RALGPS2: variants seen among roughly 807,000 people sequenced by gnomAD.
The protein encoded by RALGPS2 is Ral GEF with PH domain and SH3 binding motif 2, also known as ras-specific guanine nucleotide-releasing factor RalGPS2.
In RALGPS2, 43 loss-of-function variants were observed where a neutral mutation model predicts 86.8. The ratio of observed to expected loss-of-function variants is 0.50; its 90% CI spans 0.39 to 0.64. RALGPS2 has a LOEUF of 0.64. Ranked by LOEUF, RALGPS2 falls within the 30% of genes least tolerant of loss-of-function variation. The probability of loss-of-function intolerance (pLI) is 0.00; values close to 1 mark genes in which losing one functional copy is unlikely to be tolerated. For synonymous variants in RALGPS2, 243 were observed against 231.3 expected (o/e 1.05, Z -0.46); for missense variants, 536 against 694.6 (o/e 0.77, Z 2.57).
At chr1:178,881,892 A>G (rs1463046636) in intron 10 of RALGPS2, among the ~76,000 whole-genome samples, 2 of 152,298 alleles carry the variant, frequency 1.3e-5, no homozygotes, top group Non-Finnish European at 1.5e-5. Context: ...GCCTTTTATG[A>G]TGAAAAATTT....
intron 1 of RALGPS2, among the ~76,000 whole-genome samples, chr1:178,730,706 GTT>G (rs540414287): frequency 6.1e-5 from 8 of 131,318 alleles, no homozygotes; most frequent in African/African-American, 8.3e-5. Context: ...TTTTTTTTTT[GTT>G]TTTTTTTTTG....
intron 1 of RALGPS2, among the ~76,000 whole-genome samples, chr1:178,749,503 A>G (rs1021841260): frequency 2.0e-5 from 3 of 152,232 alleles, no homozygotes; most frequent in Admixed American, 1.3e-4. Flanking sequence ...TTTAAAAGAC[A>G]ACCTTGAGGA....
At chr1:178,744,711 G>A (rs561714274) in intron 1 of RALGPS2, among the ~76,000 whole-genome samples, 124 of 151,862 alleles carry the variant, frequency 8.2e-4, no homozygotes, top group Admixed American at 2.6e-3. Context: ...CAGCTACTCA[G>A]GAGGCTGAGG....
At chr1:178,764,977 A>G (rs1276634208) in intron 1 of RALGPS2, among the ~76,000 whole-genome samples, 1 of 152,126 alleles carries the variant, frequency 6.6e-6, no homozygotes, top group Non-Finnish European at 1.5e-5. Flanking sequence ...TAAAACAACC[A>G]GATCCCCACT....
intron 8 of RALGPS2, chr1:178,865,093 C>T: frequency 6.4e-7 from 1 of 1,562,058 alleles, no homozygotes; most frequent in Non-Finnish European, 8.7e-7. Context: ...CAGGAGTATA[C>T]TGTTGGCTGT....
intron 5 of RALGPS2, among the ~76,000 whole-genome samples, chr1:178,808,919 T>C (rs1654857311): frequency 6.6e-6 from 1 of 152,132 alleles, no homozygotes; most frequent in South Asian, 2.1e-4. Context: ...CAAGCTGGAG[T>C]ACAGTGCTGC....
chr1:178,785,686 A>T lies in RALGPS2; in HGVS notation c.213+79A>T, dbSNP rs1206561164. 8 of 1,470,518 alleles carry T rather than the reference A, an allele frequency of 5.4e-6. No individual in the cohort carries two copies. In the East Asian group the frequency reaches 9.7e-5, roughly 18 times the overall value. The allele number at this position is 1,470,518 out of a possible 1,614,324, so 91.1% of individuals were successfully genotyped here. The stretch of plus-strand genomic sequence containing the variant: ...TTAAGTGTTTTAGAAATGTCAAATT[A>T]TACTTCATATTAATTTTAAAATGTT... On this transcript the variant is annotated intron_variant, in intron 4 of 19. Coordinates refer to ENST00000367635, the MANE Select transcript of RALGPS2 (RefSeq NM_152663.5).
chr1:178,836,395 C>T (rs1656275434), intron 8 of RALGPS2, among the ~76,000 whole-genome samples: 1 of 151,934 alleles, frequency 6.6e-6, no homozygotes, highest in Non-Finnish European at 1.5e-5. Flanking sequence ...TTTCAGTTCC[C>T]TTTCATTTTA....
chr1:178,797,159 T>A (rs1395755434), intron 4 of RALGPS2, among the ~76,000 whole-genome samples: 5 of 152,198 alleles, frequency 3.3e-5, no homozygotes, highest in African/African-American at 1.2e-4. Context: ...TATGAGATAT[T>A]TTAGTATAGA....
chr1:178,893,696 G>T, intron 15 of RALGPS2: 1 of 368,438 alleles, frequency 2.7e-6, no homozygotes, highest in Non-Finnish European at 4.9e-6. Flanking sequence ...ATGTAATAAA[G>T]TGTGTTTTTT....
At chr1:178,755,836 G>T (rs1035323319) in intron 1 of RALGPS2, among the ~76,000 whole-genome samples, 15 of 151,978 alleles carry the variant, frequency 9.9e-5, no homozygotes, top group Admixed American at 9.8e-4. Context: ...TTTCTCCATA[G>T]CCTCCAACAT....
At chr1:178,763,562 C>T (rs1374994191) in intron 1 of RALGPS2, among the ~76,000 whole-genome samples, 2 of 152,138 alleles carry the variant, frequency 1.3e-5, no homozygotes, top group Non-Finnish European at 2.9e-5. Flanking sequence ...GATAGTAAAC[C>T]TCTCTAGTTA....
chr1:178,785,439 GC>G, intron 3 of RALGPS2, 117 bp from the exon 4 acceptor site: 1 of 1,087,790 alleles, frequency 9.2e-7, no homozygotes, highest in Non-Finnish European at 1.2e-6. Context: ...TTTTCCATAA[GC>G]CCTTATAAAA....
At chr1:178,733,762 A>G (rs937461610) in intron 1 of RALGPS2, among the ~76,000 whole-genome samples, 2 of 152,250 alleles carry the variant, frequency 1.3e-5, no homozygotes, top group Admixed American at 6.5e-5. Context: ...GGACATGTAC[A>G]TTAGAAGAAA....
intron 7 of RALGPS2, 55 bp from the exon 8 acceptor site, chr1:178,833,369 T>G (rs1656120395): frequency 7.0e-7 from 1 of 1,421,898 alleles, no homozygotes; most frequent in African/African-American, 1.5e-5. Flanking sequence ...TTCAGGTCTT[T>G]GCTACAATAA....
At chr1:178,851,592 C>G (rs1181568655) in intron 8 of RALGPS2, among the ~76,000 whole-genome samples, 1 of 151,772 alleles carries the variant, frequency 6.6e-6, no homozygotes, top group African/African-American at 2.4e-5. Context: ...TAGATGCAAG[C>G]AGTGTTTATA....
At chr1:178,908,373 A>G (rs1238678682) in intron 19 of RALGPS2, among the ~76,000 whole-genome samples, 1 of 152,200 alleles carries the variant, frequency 6.6e-6, no homozygotes, top group African/African-American at 2.4e-5. Context: ...TCTTTGCTAT[A>G]GTGTATACTG....
chr1:178,740,224 C>G (rs1164555754), intron 1 of RALGPS2, among the ~76,000 whole-genome samples: 1 of 152,220 alleles, frequency 6.6e-6, no homozygotes, highest in Admixed American at 6.5e-5. Flanking sequence ...AGTGATTTAT[C>G]TGAGTCAGTA....
At chr1:178,789,964 T>G (rs986308079) in intron 4 of RALGPS2, among the ~76,000 whole-genome samples, 8 of 152,180 alleles carry the variant, frequency 5.3e-5, no homozygotes, top group African/African-American at 1.9e-4. Flanking sequence ...TAGCTTTTTT[T>G]TGGAGACAGG....
Sources: allele counts gnomAD v4.1 joint callset (sites outside exome capture counted in the v4.1 genomes callset), GRCh38; gene constraint gnomAD v4.1.1; transcripts MANE v1.5; gene names NCBI Gene and HGNC (gene_info 2026-07-23, HGNC 2026-07-21).